The following ANTXR2 variants were observed in gnomAD, a reference collection of about 807,000 sequenced individuals.
The protein encoded by ANTXR2 is ANTXR cell adhesion molecule 2.
ANTXR2 carries 44 observed loss-of-function variants against 73.7 expected under a neutral mutation model. The ratio of observed to expected loss-of-function variants is 0.60; its 90% CI spans 0.47 to 0.77. The LOEUF (loss-of-function observed/expected upper bound fraction) is 0.77. ANTXR2 is among the 30% of genes least tolerant of loss of function. The pLI is 0.00. For missense variants in ANTXR2, 604 were observed against 592.5 expected (o/e 1.02, Z -0.20); for synonymous variants, 217 against 205.9 (o/e 1.05, Z -0.46).
At chr4:79,989,735 A>C (rs940072137) in intron 12 of ANTXR2, among the ~76,000 whole-genome samples, 35 of 152,178 alleles carry the variant, frequency 2.3e-4, no homozygotes, top group Non-Finnish European at 7.4e-5. Context: ...AATCCTCAAC[A>C]AAATACTAGC....
chr4:79,983,983 GT>G lies in ANTXR2; in HGVS notation c.1087-14del. 1.3e-6 allele frequency: 2 copies of G among 1,529,366 alleles called. No homozygotes were observed. The highest frequency in any genetic ancestry group is 1.8e-6 in the Non-Finnish European group (2 of 1,128,954). 94.7% of individuals were successfully genotyped at this position (1,529,366 alleles called of 1,614,324 possible). A position where few individuals can be genotyped will look rare whatever the true frequency, so the allele number is the denominator to read the frequency against. ...GTTCTTCTTCCTCCTGTGGAAATAT[GT>G]TTTATAAATAGTTTTTAATTAATTT... is the stretch of plus-strand genomic sequence containing the variant. On this transcript the variant is annotated splice_polypyrimidine_tract_variant and intron_variant, in intron 13 of 16. Coordinates refer to ENST00000403729, the MANE Select transcript of ANTXR2 (RefSeq NM_058172.6).
At chr4:80,046,400 C>G (rs1733517053) in intron 7 of ANTXR2, among the ~76,000 whole-genome samples, 1 of 151,666 alleles carries the variant, frequency 6.6e-6, no homozygotes, top group Non-Finnish European at 1.5e-5. Context: ...TCACCACAAA[C>G]TCAAAATAAT....
intron 16 of ANTXR2, among the ~76,000 whole-genome samples, chr4:79,944,592 TA>T (rs539566883): frequency 6.6e-5 from 10 of 151,294 alleles, no homozygotes; most frequent in South Asian, 2.1e-4. Context: ...GCATTCACAA[TA>T]AAAAAAAATT....
At chr4:80,033,718 TTCC>T in intron 8 of ANTXR2, 148 bp from the exon 9 acceptor site, 1 of 615,738 alleles carries the variant, frequency 1.6e-6, no homozygotes. Context: ...AGCTCTATAT[TTCC>T]AACTGTGCTG....
intron 16 of ANTXR2, among the ~76,000 whole-genome samples, chr4:79,933,716 A>G (rs1041628352): frequency 3.1e-5 from 2 of 63,552 alleles, no homozygotes; most frequent in East Asian, 1.1e-3. Flanking sequence ...CCCACCCCAC[A>G]ACAGGCCCTG....
intron 10 of ANTXR2, among the ~76,000 whole-genome samples, chr4:80,019,977 T>C (rs1732079131): frequency 6.6e-6 from 1 of 152,138 alleles, no homozygotes; most frequent in African/African-American, 2.4e-5. Context: ...TAAAACAAGA[T>C]ATCAAAAGGG....
rs116155531 is a variant in ANTXR2 at position 79,984,459 on chromosome 4, T to C, written c.1086+360A>G. 8.1e-3 allele frequency among the ~76,000 whole-genome samples: 1,233 copies of C among 152,290 alleles called. 17 individuals are homozygous for C. The highest frequency in any genetic ancestry group is 0.029 in the African/African-American group (1,192 of 41,560). On this transcript the variant is annotated intron_variant, in intron 13 of 16. Transcript: ENST00000403729. ...CATGATTCTGGTTAACAGAATCATA[T>C]AAAAGCACCAAGAATTTTGAAGAAA...
intron 7 of ANTXR2, among the ~76,000 whole-genome samples, chr4:80,049,803 A>G (rs1223837443): frequency 6.6e-6 from 1 of 151,726 alleles, no homozygotes; most frequent in East Asian, 1.9e-4. Flanking sequence ...TAATATTTTA[A>G]TGCTTCCCAA....
At chr4:80,017,253 T>C (rs1731917311) in intron 11 of ANTXR2, among the ~76,000 whole-genome samples, 1 of 152,232 alleles carries the variant, frequency 6.6e-6, no homozygotes, top group Non-Finnish European at 1.5e-5. Flanking sequence ...TGCCAGAGAC[T>C]TGTCACCTCA....
At chr4:79,912,775 ACAAT>A (rs1370397686) in intron 16 of ANTXR2, among the ~76,000 whole-genome samples, 3 of 152,102 alleles carry the variant, frequency 2.0e-5, no homozygotes, top group African/African-American at 7.2e-5. Flanking sequence ...TTTCTGTGCA[ACAAT>A]CAGAGACTAG....
intron 10 of ANTXR2, among the ~76,000 whole-genome samples, chr4:80,021,602 T>C (rs1019379392): frequency 6.6e-6 from 1 of 152,174 alleles, no homozygotes; most frequent in Non-Finnish European, 1.5e-5. Context: ...GAAGGAAACA[T>C]TCAAACTTTT....
chr4:80,007,457 C>A (rs533950386), intron 12 of ANTXR2, among the ~76,000 whole-genome samples: 42 of 152,150 alleles, frequency 2.8e-4, no homozygotes, highest in African/African-American at 1.0e-3. Context: ...TAGAATGATA[C>A]CCCCCACCAA....
chr4:79,993,963 T>C lies in ANTXR2; in HGVS notation c.1042-9100A>G, dbSNP rs532725773. 7.9e-5 allele frequency among the ~76,000 whole-genome samples: 12 copies of C among 152,040 alleles called. No homozygotes were observed. In the South Asian group the frequency reaches 2.3e-3, roughly 29 times the overall value. On this transcript the variant is annotated intron_variant, in intron 12 of 16. Transcript: ENST00000403729. ...TTTAATCACATATTGATTTGGTCAA[T>C]ATTTCAGTGTGGTTTCTAGAACTGA...
At chr4:80,039,373 T>C (rs1407302214) in intron 7 of ANTXR2, among the ~76,000 whole-genome samples, 1 of 152,118 alleles carries the variant, frequency 6.6e-6, no homozygotes, top group African/African-American at 2.4e-5. Context: ...TGAATGCAAA[T>C]AGTTTGCACC....
intron 12 of ANTXR2, among the ~76,000 whole-genome samples, chr4:80,000,771 A>C (rs1478010094): frequency 6.6e-6 from 1 of 152,106 alleles, no homozygotes; most frequent in Non-Finnish European, 1.5e-5. Context: ...TAACCAGGTA[A>C]ACGTCATAGT....
intron 7 of ANTXR2, among the ~76,000 whole-genome samples, chr4:80,037,836 A>G (rs1733050907): frequency 6.6e-6 from 1 of 152,152 alleles, no homozygotes. Flanking sequence ...CATTATAGCT[A>G]TAGCTTTGGC....
At chr4:80,059,210 A>G (rs566559388) in intron 3 of ANTXR2, among the ~76,000 whole-genome samples, 18 of 152,178 alleles carry the variant, frequency 1.2e-4, no homozygotes, top group Non-Finnish European at 2.5e-4. Flanking sequence ...ACAGGAATTG[A>G]ACAAACAAAA....
At chr4:79,978,433 C>T (rs1197574635) in intron 14 of ANTXR2, among the ~76,000 whole-genome samples, 2 of 150,198 alleles carry the variant, frequency 1.3e-5, no homozygotes, top group Non-Finnish European at 3.0e-5. Flanking sequence ...AACCATTTTT[C>T]CATAGTTTTA....
intron 11 of ANTXR2, among the ~76,000 whole-genome samples, 159 bp from the exon 12 acceptor site, chr4:80,008,775 T>C (rs1443084232): frequency 6.6e-6 from 1 of 152,182 alleles, no homozygotes; most frequent in African/African-American, 2.4e-5. Flanking sequence ...ATTCTACAAA[T>C]GTATCTTCTA....
Sources: allele counts gnomAD v4.1 joint callset (sites outside exome capture counted in the v4.1 genomes callset), GRCh38; gene constraint gnomAD v4.1.1; transcripts MANE v1.5; gene names NCBI Gene and HGNC (gene_info 2026-07-23, HGNC 2026-07-21).